The following ZFHX3 variants were observed in gnomAD, a reference collection of about 807,000 sequenced individuals.
ZFHX3 encodes zinc finger homeobox protein 3.
Under a neutral mutation model 279.1 loss-of-function variants are expected in ZFHX3, and 42 were observed. The ratio of observed to expected loss-of-function variants is 0.15; its 90% confidence interval spans 0.12 to 0.19. The LOEUF is 0.19. Among genes scored for constraint, ZFHX3 ranks in the 10% least tolerant of loss-of-function variants. ZFHX3 has a pLI of 1.00. For synonymous variants in ZFHX3, 2,293 were observed against 1,957.8 expected, an observed-to-expected ratio of 1.17 and a Z score of -4.52; for missense variants, 4,981 against 4,754.0, an observed-to-expected ratio of 1.05 and a Z score of -1.40.
chr16:73,478,306 G>GT (rs199714827), intron 2 of ZFHX3, among the ~76,000 whole-genome samples: 14,851 of 145,690 alleles, frequency 0.1, 1,108 homozygotes, highest in Admixed American at 0.24. Flanking sequence ...GGTACTAAAA[G>GT]CCATATGACA....
chr16:73,366,294 T>C lies in ZFHX3; in HGVS notation c.-1290-47958A>G, dbSNP rs565023675. On this transcript the variant is annotated intron_variant, in intron 3 of 17. Transcript: ENST00000641206. ...GAGAAGGATACTGGATGGGATACTA[T>C]GTAGCTATTAATAGAGATCATTATG... Among the ~76,000 whole-genome samples the C allele has an allele frequency of 1.6e-4, 25 of 152,306 alleles. No individual in the cohort carries two copies. In the South Asian group the frequency reaches 4.1e-3, roughly 25 times the overall value.
chr16:72,865,138 A>G (rs900271531), intron 4 of ZFHX3, among the ~76,000 whole-genome samples: 1 of 152,232 alleles, frequency 6.6e-6, no homozygotes. Context: ...GGAACCTGAG[A>G]GAGAGGCTTT....
chr16:73,552,824 G>A (rs1038968754), intron 2 of ZFHX3, among the ~76,000 whole-genome samples: 10 of 152,174 alleles, frequency 6.6e-5, no homozygotes, highest in Admixed American at 2.6e-4. Flanking sequence ...AGACTGATAC[G>A]TCTGCCTGTA....
chr16:72,920,222 G>C (rs1314399301), intron 3 of ZFHX3, among the ~76,000 whole-genome samples: 2 of 152,090 alleles, frequency 1.3e-5, no homozygotes, highest in Non-Finnish European at 2.9e-5. Context: ...GTGAAGAAGA[G>C]CATCTCATAC....
intron 8 of ZFHX3, among the ~76,000 whole-genome samples, chr16:73,077,865 C>T (rs544573876): frequency 1.1e-4 from 17 of 152,218 alleles, no homozygotes; most frequent in South Asian, 6.2e-4. Flanking sequence ...AGTGCAATGA[C>T]GTGATTTCAG....
At chr16:73,877,008 C>T (rs1437833176) in intron 1 of ZFHX3, among the ~76,000 whole-genome samples, 2 of 151,028 alleles carry the variant, frequency 1.3e-5, no homozygotes, top group Non-Finnish European at 2.9e-5. Context: ...AAATACGAGC[C>T]CTGGTAACTT....
At chr16:73,751,605 CAT>C (rs976449136) in intron 1 of ZFHX3, among the ~76,000 whole-genome samples, 5 of 152,134 alleles carry the variant, frequency 3.3e-5, no homozygotes, top group African/African-American at 1.2e-4. Flanking sequence ...TTTTAAGTAA[CAT>C]TTTTTAAATA....
In ZFHX3 at chr16:73,597,378, C is replaced by T. The variant is rs138066647; in HGVS notation, c.-1547+82802G>A. On this transcript the variant is annotated intron_variant, in intron 2 of 17. Coordinates refer to the ZFHX3 transcript ENST00000641206. Reference sequence around the variant, plus strand: ...CTTCTCTCACTCAGGAGGGCAAGCTCCTCAAGGGCAGTTAGTGTATCTTTT... The same window carrying T: ...CTTCTCTCACTCAGGAGGGCAAGCTTCTCAAGGGCAGTTAGTGTATCTTTT... 3.7e-3 allele frequency among the ~76,000 whole-genome samples: 560 copies of T among 152,318 alleles called. 4 individuals carry two copies. The highest frequency in any genetic ancestry group is 0.013 in the African/African-American group (522 of 41,580).
intron 4 of ZFHX3, 43 bp downstream of exon 4, chr16:72,889,688 C>A (rs1192880325): frequency 1.3e-6 from 2 of 1,593,548 alleles, no homozygotes; most frequent in Admixed American, 1.7e-5. Flanking sequence ...GAGGTGAACA[C>A]CCAGGCCCAA....
chr16:73,012,203 C>T (rs537310352), intron 1 of ZFHX3, among the ~76,000 whole-genome samples: 9 of 152,296 alleles, frequency 5.9e-5, no homozygotes, highest in South Asian at 4.1e-4. Context: ...GTACAACTAA[C>T]GGGCAGACAG....
At chr16:73,450,688 ATAT>A (rs1355965881) in intron 3 of ZFHX3, among the ~76,000 whole-genome samples, 2 of 152,232 alleles carry the variant, frequency 1.3e-5, no homozygotes, top group African/African-American at 4.8e-5. Flanking sequence ...CGAATCTTTC[ATAT>A]TTTAATCCTC....
chr16:73,022,936 C>T (rs1050840202), intron 1 of ZFHX3, among the ~76,000 whole-genome samples: 1 of 152,110 alleles, frequency 6.6e-6, no homozygotes, highest in East Asian at 1.9e-4. Flanking sequence ...ATGTTTAAAA[C>T]ATAGTATGTG....
intron 2 of ZFHX3, among the ~76,000 whole-genome samples, chr16:73,479,617 A>G (rs779950016): frequency 6.6e-6 from 1 of 152,176 alleles, no homozygotes; most frequent in Non-Finnish European, 1.5e-5. Context: ...GATCAGCTTG[A>G]GGGAGGGCAC....
At chr16:73,445,424 T>G (rs1377516582) in intron 3 of ZFHX3, among the ~76,000 whole-genome samples, 1 of 152,002 alleles carries the variant, frequency 6.6e-6, no homozygotes, top group African/African-American at 2.4e-5. Context: ...TTCCCCTGAC[T>G]TTTTCATTGG....
chr16:73,633,532 TTTA>T (rs1597038315), intron 2 of ZFHX3, among the ~76,000 whole-genome samples: 1 of 152,198 alleles, frequency 6.6e-6, no homozygotes, highest in East Asian at 1.9e-4. Flanking sequence ...TTCGTAATGT[TTTA>T]TTTCTTTTGC....
intron 3 of ZFHX3, among the ~76,000 whole-genome samples, chr16:72,939,435 C>A (rs1047293782): frequency 2.6e-5 from 4 of 152,258 alleles, no homozygotes; most frequent in African/African-American, 9.6e-5. Context: ...TGCTAAGACA[C>A]TCCCTGCCAT....
chr16:72,924,121 C>T (rs1299019456), intron 3 of ZFHX3, among the ~76,000 whole-genome samples: 1 of 152,102 alleles, frequency 6.6e-6, no homozygotes, highest in Non-Finnish European at 1.5e-5. Context: ...GAGAGGCTCA[C>T]ATTTTGTCTT....
At chr16:73,650,466 T>G (rs2052660293) in intron 2 of ZFHX3, among the ~76,000 whole-genome samples, 1 of 152,090 alleles carries the variant, frequency 6.6e-6, no homozygotes, top group African/African-American at 2.4e-5. Flanking sequence ...GGGACTGACT[T>G]AAAGTTGTCT....
At chr16:73,685,224 G>C (rs745693074) in intron 1 of ZFHX3, among the ~76,000 whole-genome samples, 2 of 151,090 alleles carry the variant, frequency 1.3e-5, no homozygotes, top group Non-Finnish European at 2.9e-5. Flanking sequence ...CACCGTGTTG[G>C]CCCAGATGGT....
Sources: allele counts gnomAD v4.1 joint callset (sites outside exome capture counted in the v4.1 genomes callset), GRCh38; gene constraint gnomAD v4.1.1; transcripts MANE v1.5; gene names NCBI Gene and HGNC (gene_info 2026-07-23, HGNC 2026-07-21).